Variants in RANBP2 observed in about 807,000 individuals in gnomAD.
RANBP2 encodes the protein RAN binding protein 2, also known as E3 SUMO-protein ligase RanBP2.
In RANBP2, 57 loss-of-function variants were observed where a neutral mutation model predicts 303.6. The observed-to-expected ratio is 0.19, with a 90% CI of 0.15 to 0.23. The LOEUF is 0.23. Among genes scored for constraint, RANBP2 ranks in the 10% least tolerant of loss-of-function variants. RANBP2 has a pLI of 1.00. For synonymous variants in RANBP2, 1,167 were observed against 1,301.5 expected (o/e 0.90, Z 2.23); for missense variants, 3,138 against 3,780.8 (o/e 0.83, Z 4.46).
At chr2:109,089,322 G>A in the RANBP2 span, among the ~76,000 whole-genome samples, 1 of 152,116 alleles carries the variant, frequency 6.6e-6, no homozygotes, top group African/African-American at 2.4e-5. Context: ...ACAGGGGTTG[G>A]CTGGGTGCAG....
chr2:109,044,121 A>G, the RANBP2 span, among the ~76,000 whole-genome samples: 2 of 152,262 alleles, frequency 1.3e-5, no homozygotes, highest in South Asian at 4.1e-4. Context: ...GAAGACCTTT[A>G]TATAATTAAA....
the RANBP2 span, among the ~76,000 whole-genome samples, chr2:108,912,396 C>T: frequency 2.0e-5 from 3 of 152,190 alleles, no homozygotes; most frequent in Non-Finnish European, 4.4e-5. Context: ...TCCTCCTGGC[C>T]GGGCTTGCAG....
the RANBP2 span, among the ~76,000 whole-genome samples, chr2:109,249,580 C>CTTCCTTCCTTCCTTCCT: frequency 3.9e-5 from 4 of 102,602 alleles, no homozygotes; most frequent in African/African-American, 1.7e-4. Context: ...TCCTTCCTTC[C>CTTCCTTCCTTCCTTCCT]TTCCTTTCCT....
the RANBP2 span, among the ~76,000 whole-genome samples, chr2:109,061,724 C>G: frequency 7.4e-4 from 112 of 152,198 alleles, no homozygotes; most frequent in Non-Finnish European, 1.3e-3. Context: ...GGAGAGTGTA[C>G]AATTTTGGAC....
chr2:108,868,817 G>T, the RANBP2 span, among the ~76,000 whole-genome samples: 1 of 152,064 alleles, frequency 6.6e-6, no homozygotes, highest in East Asian at 1.9e-4. Context: ...AAAGCTAAGG[G>T]TTTTTGGGCA....
chr2:108,721,588 A>G (rs1573671600), intron 1 of RANBP2, among the ~76,000 whole-genome samples: 1 of 151,900 alleles, frequency 6.6e-6, no homozygotes, highest in African/African-American at 2.4e-5. Flanking sequence ...CCACAGGTGT[A>G]CCCACCACAC....
chr2:109,669,715 CGCCTCT>C, the RANBP2 span, among the ~76,000 whole-genome samples: 1 of 152,124 alleles, frequency 6.6e-6, no homozygotes, highest in Non-Finnish European at 1.5e-5. Flanking sequence ...CAACCCTCAC[CGCCTCT>C]GGCTCTTTTA....
chr2:109,716,106 A>C, the RANBP2 span, among the ~76,000 whole-genome samples: 1 of 152,140 alleles, frequency 6.6e-6, no homozygotes, highest in Non-Finnish European at 1.5e-5. Context: ...GGCTGGAGAA[A>C]GGAGAGGGTC....
the RANBP2 span, among the ~76,000 whole-genome samples, chr2:109,332,508 C>T: frequency 6.6e-6 from 1 of 152,132 alleles, no homozygotes; most frequent in Non-Finnish European, 1.5e-5. Flanking sequence ...CTAAGGAGTC[C>T]CAGGATGTGT....
the RANBP2 span, among the ~76,000 whole-genome samples, chr2:109,491,750 T>G: frequency 2.6e-4 from 39 of 152,226 alleles, no homozygotes; most frequent in African/African-American, 8.9e-4. Context: ...TGATCCTTAC[T>G]GAGTGCCTAC....
At chr2:108,761,103 A>G (rs2149263754) in intron 18 of RANBP2, among the ~76,000 whole-genome samples, 1 of 149,812 alleles carries the variant, frequency 6.7e-6, no homozygotes, top group South Asian at 2.1e-4. Context: ...ACTTCAGACT[A>G]AGATTTTTTT....
the RANBP2 span, among the ~76,000 whole-genome samples, chr2:109,228,135 C>T: frequency 6.6e-6 from 1 of 152,176 alleles, no homozygotes; most frequent in Admixed American, 6.5e-5. Context: ...TGTTTTCATG[C>T]TGCAAATGAT....
chr2:109,520,867 C>T, the RANBP2 span, among the ~76,000 whole-genome samples: 1 of 98,042 alleles, frequency 1.0e-5, no homozygotes, highest in Non-Finnish European at 2.5e-5. Context: ...GGAAGGCGGA[C>T]GTCACAGTGA....
the RANBP2 span, among the ~76,000 whole-genome samples, chr2:108,825,577 G>A: frequency 6.6e-6 from 1 of 152,092 alleles, no homozygotes; most frequent in Non-Finnish European, 1.5e-5. Context: ...GTAGTGTTCC[G>A]TGGCTGACTC....
At chr2:108,925,056 C>T in the RANBP2 span, among the ~76,000 whole-genome samples, 3 of 152,358 alleles carry the variant, frequency 2.0e-5, no homozygotes, top group Non-Finnish European at 2.9e-5. Flanking sequence ...ACTCTACCTC[C>T]ACGCATTCTC....
the RANBP2 span, among the ~76,000 whole-genome samples, chr2:109,508,736 T>G: frequency 1.5e-3 from 221 of 152,050 alleles, 1 homozygote; most frequent in African/African-American, 5.1e-3. Context: ...CACTCACTTA[T>G]CAGATCAGTG....
the RANBP2 span, among the ~76,000 whole-genome samples, chr2:108,969,340 C>T: frequency 6.6e-6 from 1 of 151,952 alleles, no homozygotes; most frequent in Non-Finnish European, 1.5e-5. Flanking sequence ...TGGTCTTGTT[C>T]TTGCTGCTAT....
At chr2:109,654,104 G>T in the RANBP2 span, among the ~76,000 whole-genome samples, 1 of 152,118 alleles carries the variant, frequency 6.6e-6, no homozygotes, top group Admixed American at 6.6e-5. Flanking sequence ...TGTGGGAGGG[G>T]TTATTTCCGC....
the RANBP2 span, among the ~76,000 whole-genome samples, chr2:109,016,150 T>G: frequency 6.6e-6 from 1 of 152,188 alleles, no homozygotes; most frequent in East Asian, 1.9e-4. Context: ...GGCGTGATCT[T>G]GGCTTACTGC....
Sources: gnomAD v4.1 joint callset for allele counts (sites outside exome capture counted in the v4.1 genomes callset) on GRCh38, gnomAD v4.1.1 for gene constraint, MANE v1.5 for transcripts, NCBI Gene and HGNC (gene_info 2026-07-23, HGNC 2026-07-21) for gene names.